PARD3B: variants seen among roughly 807,000 people sequenced by gnomAD.
PARD3B encodes the protein par-3 family cell polarity regulator beta, also known as partitioning defective 3 homolog B.
Under a neutral mutation model 130.2 loss-of-function variants are expected in PARD3B, and 103 were observed. The observed-to-expected ratio is 0.79, with a 90% CI of 0.67 to 0.93. The LOEUF (loss-of-function observed/expected upper bound fraction) is 0.93. Ranked by LOEUF, PARD3B falls within the 40% of genes least tolerant of loss-of-function variation. The pLI is 0.00. For synonymous variants in PARD3B, 583 were observed against 553.2 expected (o/e 1.05, Z -0.76); for missense variants, 1,609 against 1,499.2 (o/e 1.07, Z -1.21).
chr2:205,534,266 C>CATGATA lies in PARD3B; in HGVS notation c.3181-19053_3181-19048dup, dbSNP rs1158470601. On this transcript the variant is annotated intron_variant, in intron 21 of 22. Transcript: ENST00000406610. ...AACAAGTAAAGAGTAAATATCAGGC[C>CATGATA]ATGATAATGACCAGGAAGAAATATC... Among the ~76,000 whole-genome samples, 13 of 152,216 alleles carry CATGATA rather than the reference C, an allele frequency of 8.5e-5. No homozygotes were observed. In the East Asian group the frequency reaches 2.5e-3, roughly 29 times the overall value.
At chr2:204,954,296 G>A (rs900517105) in intron 2 of PARD3B, among the ~76,000 whole-genome samples, 2 of 152,122 alleles carry the variant, frequency 1.3e-5, no homozygotes, top group Admixed American at 1.3e-4. Flanking sequence ...TCCATGACAA[G>A]GGAGGTCTGA....
intron 18 of PARD3B, among the ~76,000 whole-genome samples, chr2:205,394,358 AT>A (rs2045954917): frequency 6.6e-6 from 1 of 152,122 alleles, no homozygotes; most frequent in Non-Finnish European, 1.5e-5. Flanking sequence ...GCTGCATCAC[AT>A]TAACTGATAA....
At position 205,176,575 on chromosome 2, in the gene PARD3B, A is replaced by G; in HGVS notation, c.1922A>G (p.Lys641Arg). The G allele has an allele frequency of 1.2e-6, 2 of 1,606,938 alleles. No homozygotes were observed. Among genetic ancestry groups the G allele is most frequent in the South Asian group, 1.1e-5 (1 of 89,712 alleles). Reference sequence around the variant, plus strand: ...ACTTGCAGTCCACAAGACAAACAGAAAGGTAAGAGTCTATTCATTTTATCC... The same window carrying G: ...ACTTGCAGTCCACAAGACAAACAGAGAGGTAAGAGTCTATTCATTTTATCC... The part of the protein sequence containing the change: ...LGTCSPQDKQ[K>R]GLLLPNDGWA... The change falls in exon 13 of 23, where the codon AAA becomes AGA. Residue 641 changes from lysine (K) to arginine (R), a missense_variant and splice_region_variant. Lys to Arg is a conservative substitution (Grantham distance 26). Coordinates refer to ENST00000406610, the MANE Select transcript of PARD3B (RefSeq NM_001302769.2). This position sits in a 1 kb window ranked among gnomAD's most constrained non-coding sequence, Gnocchi z 5.3.
At chr2:205,106,291 G>A (rs1364805354) in intron 5 of PARD3B, among the ~76,000 whole-genome samples, 2 of 151,990 alleles carry the variant, frequency 1.3e-5, no homozygotes, top group Non-Finnish European at 1.5e-5. Context: ...GGGATTACAG[G>A]CATGTGCCAC....
At chr2:205,456,134 A>C (rs544151927) in intron 20 of PARD3B, among the ~76,000 whole-genome samples, 1 of 152,046 alleles carries the variant, frequency 6.6e-6, no homozygotes, top group African/African-American at 2.4e-5. Context: ...ATTTCTTCTT[A>C]CTTCTGAGTA....
At chr2:204,935,915 C>T (rs566940273) in intron 2 of PARD3B, among the ~76,000 whole-genome samples, 51 of 152,160 alleles carry the variant, frequency 3.4e-4, no homozygotes, top group Non-Finnish European at 5.9e-4. Context: ...TTTTTAGTTC[C>T]CAGAAAGCCC....
chr2:205,407,438 AT>A lies in PARD3B; in HGVS notation c.2741+6320del, dbSNP rs748116483. ...ATTTTTCAAACTAAATTAAATTAGC[AT>A]TTTTCACACATTCAGATTATGTAAA... is the stretch of plus-strand genomic sequence containing the variant. On this transcript the variant is annotated intron_variant, in intron 19 of 22. Coordinates refer to ENST00000406610, the MANE Select transcript of PARD3B (RefSeq NM_001302769.2). This position sits in a 1 kb window ranked among gnomAD's most constrained non-coding sequence, Gnocchi z 4.1. Among the ~76,000 whole-genome samples the A allele has an allele frequency of 2.6e-5, 4 of 152,198 alleles. No individual in the cohort carries two copies. Among genetic ancestry groups the A allele is most frequent in the African/African-American group, 2.4e-5 (1 of 41,452 alleles).
At chr2:204,835,245 GA>G (rs1213915339) in intron 2 of PARD3B, among the ~76,000 whole-genome samples, 1 of 152,206 alleles carries the variant, frequency 6.6e-6, no homozygotes, top group Non-Finnish European at 1.5e-5. Flanking sequence ...GGGTAGATGA[GA>G]TGCATGCTAA....
At chr2:205,329,729 A>G (rs2105766456) in intron 18 of PARD3B, among the ~76,000 whole-genome samples, 1 of 152,310 alleles carries the variant, frequency 6.6e-6, no homozygotes, top group Admixed American at 6.5e-5. Flanking sequence ...AGTGTCTCAT[A>G]TCTGTAATCC....
At chr2:205,581,257 T>TATAGATATATATAGATATAG (rs1553552259) in intron 22 of PARD3B, among the ~76,000 whole-genome samples, 2,775 of 120,760 alleles carry the variant, frequency 0.023, 98 homozygotes, top group African/African-American at 0.087. Context: ...TATAGATATA[T>TATAGATATATATAGATATAG]ATAGATATAG....
intron 1 of PARD3B, among the ~76,000 whole-genome samples, chr2:204,621,882 AT>A (rs1466839236): frequency 1.3e-5 from 2 of 152,198 alleles, no homozygotes; most frequent in Admixed American, 1.3e-4. Context: ...GTGGCTATCA[AT>A]TACTTTCCTG....
chr2:204,962,336 G>T (rs939210685), intron 2 of PARD3B, among the ~76,000 whole-genome samples: 2 of 152,118 alleles, frequency 1.3e-5, no homozygotes, highest in Admixed American at 6.6e-5. Context: ...TAGGGTGTGG[G>T]TTACTGCAGC....
At chr2:205,026,291 G>A (rs927686673) in intron 3 of PARD3B, among the ~76,000 whole-genome samples, 3 of 152,194 alleles carry the variant, frequency 2.0e-5, no homozygotes, top group Non-Finnish European at 2.9e-5. Context: ...AGAGAGCCAA[G>A]GAGGCCAGGG....
intron 3 of PARD3B, among the ~76,000 whole-genome samples, chr2:204,965,849 G>C (rs1691195632): frequency 6.6e-6 from 1 of 152,150 alleles, no homozygotes. Flanking sequence ...TATATTTGTA[G>C]AATGAGAAAG....
In PARD3B at chr2:204,966,974, A is replaced by G. The variant is rs181848380; in HGVS notation, c.394+1651A>G. On this transcript the variant is annotated intron_variant, in intron 3 of 22. Coordinates refer to ENST00000406610, the MANE Select transcript of PARD3B (RefSeq NM_001302769.2). The stretch of plus-strand genomic sequence containing the variant: ...AGAGAAGTTTAGTAACTCAGCAGAA[A>G]TCCCATAGCTATTAGGTGGCAGAGC... 2.4e-3 allele frequency among the ~76,000 whole-genome samples: 371 copies of G among 152,312 alleles called. 2 individuals carry two copies. The highest frequency in any genetic ancestry group is 8.0e-3 in the African/African-American group (334 of 41,572).
Position 205,288,737 on chromosome 2 carries a change from T to C in PARD3B, c.2186-11793T>C, listed in dbSNP as rs1481025151. ...TGTTTGGACTTTTCCTCATGCCTTT[T>C]CCTCTAAGTGGTGTGCCTGTCCACC... On this transcript the variant is annotated intron_variant, in intron 16 of 22. Coordinates refer to ENST00000406610, the MANE Select transcript of PARD3B (RefSeq NM_001302769.2). This position sits in a 1 kb window ranked among gnomAD's most constrained non-coding sequence, Gnocchi z 4.0. Among the ~76,000 whole-genome samples, 1 of 152,212 alleles carries C rather than the reference T, an allele frequency of 6.6e-6. No individual in the cohort carries two copies. The highest frequency in any genetic ancestry group is 2.4e-5 in the African/African-American group (1 of 41,452).
At chr2:204,737,223 C>G (rs967324900) in intron 2 of PARD3B, among the ~76,000 whole-genome samples, 19 of 152,212 alleles carry the variant, frequency 1.2e-4, no homozygotes, top group African/African-American at 7.2e-5. Flanking sequence ...CTGGGCCTCC[C>G]AAAGTGCTGG....
chr2:205,057,686 CGTACATATACAT>C (rs1699807157), intron 4 of PARD3B, among the ~76,000 whole-genome samples: 1 of 102,842 alleles, frequency 9.7e-6, no homozygotes, highest in Non-Finnish European at 2.1e-5. Context: ...TATGTGTATA[CGTACATATACAT>C]ATATGTGTAT....
chr2:205,067,987 G>A (rs1323195820), intron 4 of PARD3B, among the ~76,000 whole-genome samples: 1 of 152,072 alleles, frequency 6.6e-6, no homozygotes, highest in African/African-American at 2.4e-5. Flanking sequence ...CATTGTCCCT[G>A]TTTAGTTAAA....
Sources: allele counts gnomAD v4.1 joint callset (sites outside exome capture counted in the v4.1 genomes callset), GRCh38; gene constraint gnomAD v4.1.1; non-coding constraint Gnocchi (gnomAD v3.1); transcripts MANE v1.5; gene names NCBI Gene and HGNC (gene_info 2026-07-23, HGNC 2026-07-21).